PHLDB1: variants seen among roughly 807,000 people sequenced by gnomAD.
PHLDB1 encodes pleckstrin homology like domain family B member 1.
A neutral mutation model predicts 139.3 loss-of-function variants in PHLDB1; 65 were observed. The observed-to-expected ratio is 0.47, with a 90% CI of 0.38 to 0.57. PHLDB1 has a LOEUF of 0.57. Ranked by LOEUF, PHLDB1 falls within the 20% of genes least tolerant of loss-of-function variation. The pLI, the probability that PHLDB1 is intolerant of heterozygous loss-of-function variation, is 0.00. For missense variants in PHLDB1, 1,624 were observed against 1,839.7 expected (o/e 0.88, Z 2.14); for synonymous variants, 679 against 734.5 (o/e 0.92, Z 1.22).
chr11:118,627,452 G>A lies in PHLDB1; in HGVS notation c.629G>A (p.Gly210Glu), dbSNP rs1555102944. Residue 210 changes from glycine (G) to glutamate (E), a missense_variant, in exon 6 of 23, where the codon GGA (glycine) becomes GAA (glutamate). By Grantham distance (98) the Gly-to-Glu change is moderately conservative (BLOSUM62 -2). Transcript: ENST00000600882. ...IMDSLVLEEP[G>E]AAGKKPAATS... The stretch of plus-strand genomic sequence containing the variant: ...GACTCACTGGTGCTAGAGGAGCCTG[G>A]AGCTGCTGGCAAGAAGCCTGCCGCA... The A allele has an allele frequency of 6.2e-7, 1 of 1,614,168 alleles. No individual in the cohort carries two copies. Among genetic ancestry groups the A allele is most frequent in the East Asian group, 2.2e-5 (1 of 44,886 alleles).
chr11:118,652,679 C>G (rs963537533), intron 20 of PHLDB1: 2 of 152,316 alleles, frequency 1.3e-5, no homozygotes, highest in African/African-American at 4.8e-5. Context: ...CCTGGGCAGT[C>G]AGACTGCAGA....
Position 118,647,983 on chromosome 11 carries a change from T to G in PHLDB1, c.3561T>G (p.Arg1187=), listed in dbSNP as rs1555131162. 2 of 1,600,858 alleles carry G rather than the reference T, an allele frequency of 1.2e-6. No homozygotes were observed. The highest frequency in any genetic ancestry group is 8.5e-7 in the Non-Finnish European group (1 of 1,173,810). The change falls in exon 18 of 23, where the codon CGT becomes CGG. Residue 1187 remains arginine (R), a synonymous_variant. Coordinates refer to ENST00000600882, the MANE Select transcript of PHLDB1 (RefSeq NM_001144758.3). ...CCCTGGAGGAGGAGCGGCGGAGGCG[T>G]GAGCAGGTAGAACGGAGGCTGCAGA... ...RQALEEERRR[R]EQVERRLQSE...
chr11:118,646,920 G>A (rs1399350218), intron 17 of PHLDB1: 1 of 152,166 alleles, frequency 6.6e-6, no homozygotes, highest in East Asian at 1.9e-4. Flanking sequence ...AGCATCTCCT[G>A]GCAAATGTGG....
At chr11:118,629,990 C>T in intron 6 of PHLDB1, 2 of 1,284,936 alleles carry the variant, frequency 1.6e-6, no homozygotes, top group Non-Finnish European at 2.0e-6. Context: ...GGGGTGGAGG[C>T]ACTGGCCCAG....
chr11:118,620,383 A>G lies in PHLDB1; in HGVS notation c.355+4172A>G, dbSNP rs1325839349. Among the ~76,000 whole-genome samples the G allele has an allele frequency of 1.3e-5, 2 of 152,212 alleles. No homozygotes were observed. The highest frequency in any genetic ancestry group is 2.4e-5 in the African/African-American group (1 of 41,460). On this transcript the variant is annotated intron_variant, in intron 4 of 22. Coordinates refer to ENST00000600882, the MANE Select transcript of PHLDB1 (RefSeq NM_001144758.3). The surrounding 1 kb of genome is among the most constrained non-coding windows in gnomAD (Gnocchi z 4.1). ...GTGGCGCATGCCTGTAGTCCCAGCT[A>G]TGGGAGGCTGAGGCAGGAGAATCGC...
rs558091097 is a variant in PHLDB1 at position 118,610,834 on chromosome 11, G to A, written c.-21-2982G>A. Among the ~76,000 whole-genome samples, 34 of 152,310 alleles carry A rather than the reference G, an allele frequency of 2.2e-4. No individual in the cohort carries two copies. The highest frequency in any genetic ancestry group is 7.0e-4 in the African/African-American group (29 of 41,564). On this transcript the variant is annotated intron_variant, in intron 1 of 22. Transcript: ENST00000600882. The surrounding 1 kb of genome is among the most constrained non-coding windows in gnomAD (Gnocchi z 8.7). ...GGGGAGGAGGCCGAGGGCCCGGGCC[G>A]GGGTCACCTGCCGGCGCCCCGGCCT...
intron 4 of PHLDB1, 54 bp downstream of exon 4, chr11:118,616,265 A>G (rs540859203): frequency 1.3e-5 from 20 of 1,528,836 alleles, no homozygotes; most frequent in Non-Finnish European, 1.7e-5. Context: ...GCTTGTGTGT[A>G]TTAGGCACAG....
intron 4 of PHLDB1, among the ~76,000 whole-genome samples, chr11:118,617,687 G>A (rs1941931320): frequency 6.6e-6 from 1 of 151,830 alleles, no homozygotes; most frequent in Non-Finnish European, 1.5e-5. Flanking sequence ...GGCAGGGCAT[G>A]GACAATTGAC....
intron 10 of PHLDB1, chr11:118,637,275 C>T (rs1209135083): frequency 6.6e-6 from 1 of 152,226 alleles, no homozygotes; most frequent in African/African-American, 2.4e-5. Flanking sequence ...AGCAGAGTTC[C>T]TGGCTCCTAA....
At chr11:118,641,806 G>C (rs782783578) in intron 12 of PHLDB1, 24 of 1,280,348 alleles carry the variant, frequency 1.9e-5, no homozygotes, top group Non-Finnish European at 2.4e-5. Flanking sequence ...GTGAGTTCTT[G>C]CTACCCCCAC....
At chr11:118,613,251 G>T (rs1940856416) in intron 1 of PHLDB1, 3 of 974,256 alleles carry the variant, frequency 3.1e-6, no homozygotes, top group Non-Finnish European at 3.7e-6. Flanking sequence ...GACATCTGGA[G>T]ATAGCAGGAA....
In PHLDB1 at chr11:118,627,349, G is replaced by A. The variant is rs1247204251; in HGVS notation, c.526G>A (p.Ala176Thr). ...LVNGNHTPQTATRGPSACASH... is the reference protein window; with the variant it reads ...LVNGNHTPQTTTRGPSACASH... Reference sequence around the variant, plus strand: ...AAATGGGAACCACACCCCACAGACTGCAACACGGGGACCCTCTGCCTGTGC... The same window carrying A: ...AAATGGGAACCACACCCCACAGACTACAACACGGGGACCCTCTGCCTGTGC... The change falls in exon 6 of 23, where the codon GCA becomes ACA. Residue 176 changes from alanine to threonine, a missense_variant. Coordinates refer to ENST00000600882, the MANE Select transcript of PHLDB1 (RefSeq NM_001144758.3). The A allele has an allele frequency of 1.2e-6, 2 of 1,613,976 alleles. No homozygotes were observed. The highest frequency in any genetic ancestry group is 2.7e-5 in the African/African-American group (2 of 74,936).
At chr11:118,613,961 C>A (rs1204962371) in intron 2 of PHLDB1, 65 bp downstream of exon 2, 2 of 1,011,242 alleles carry the variant, frequency 2.0e-6, no homozygotes, top group South Asian at 1.4e-5. Context: ...TCTTCTACCC[C>A]CTTGTGGTCC....
At chr11:118,621,114 C>T (rs1942678630) in intron 4 of PHLDB1, among the ~76,000 whole-genome samples, 2 of 152,070 alleles carry the variant, frequency 1.3e-5, no homozygotes. Flanking sequence ...CTCACTCCTG[C>T]CTCCTGGCTC....
At chr11:118,641,543 G>GT in intron 12 of PHLDB1, 2 of 962,316 alleles carry the variant, frequency 2.1e-6, no homozygotes, top group Non-Finnish European at 2.7e-6. Context: ...TCCCCTGTGG[G>GT]TAGGGCCATC....
intron 9 of PHLDB1, chr11:118,634,575 G>A (rs1555113639): frequency 1.2e-5 from 2 of 163,462 alleles, no homozygotes; most frequent in African/African-American, 4.8e-5. Context: ...GGGACTTCAG[G>A]AGACCAAAAT....
Position 118,643,967 on chromosome 11 carries a change from C to T in PHLDB1, c.3018+27C>T, listed in dbSNP as rs199645086. On this transcript the variant is annotated intron_variant, in intron 14 of 22. Transcript: ENST00000600882. ...TCTGAGGACAGTGGGTGGGGCTGCA[C>T]ATGTGGCTGGGGATGGAGACTTCCA... 4 of 1,590,816 alleles carry T rather than the reference C, an allele frequency of 2.5e-6. No individual in the cohort carries two copies. In the African/African-American group the frequency reaches 5.4e-5, roughly 21 times the overall value.
chr11:118,642,359 C>T lies in PHLDB1; in HGVS notation c.2842C>T (p.Pro948Ser). 1 of 1,610,692 alleles carries T rather than the reference C, an allele frequency of 6.2e-7. No homozygotes were observed. Residue 948 changes from proline to serine, a missense_variant, in exon 13 of 23, where the codon CCG becomes TCG. Transcript: ENST00000600882. Reference sequence around the variant, plus strand: ...TGCAGCCTCCCCTCACTCTTCTCCCCCGCCTCTGCCCGCCAAAGCTTCCCG... The same window carrying T: ...TGCAGCCTCCCCTCACTCTTCTCCCTCGCCTCTGCCCGCCAAAGCTTCCCG... ...PAAASPHSSP[P>S]PLPAKASRQL...
intron 12 of PHLDB1, chr11:118,641,870 C>T: frequency 8.9e-7 from 1 of 1,119,340 alleles, no homozygotes; most frequent in Admixed American, 2.6e-5. Flanking sequence ...GGCCTCTTGG[C>T]TCTGGGCCAG....
Sources: gnomAD v4.1 joint callset for allele counts (sites outside exome capture counted in the v4.1 genomes callset) on GRCh38, gnomAD v4.1.1 for gene constraint, Gnocchi (gnomAD v3.1) non-coding constraint, MANE v1.5 for transcripts, NCBI Gene and HGNC (gene_info 2026-07-23, HGNC 2026-07-21) for gene names.